The following PPP1R9A variants were observed in gnomAD, a reference collection of about 807,000 sequenced individuals.
The protein encoded by PPP1R9A is protein phosphatase 1 regulatory subunit 9A.
A neutral mutation model predicts 141.9 loss-of-function variants in PPP1R9A; 59 were observed. The observed-to-expected ratio is 0.42, with a 90% CI of 0.34 to 0.52. PPP1R9A has a LOEUF of 0.52. PPP1R9A is among the 20% of genes least tolerant of loss of function. PPP1R9A has a pLI of 0.10. For missense variants in PPP1R9A, 1,444 were observed against 1,611.9 expected (o/e 0.90, Z 1.78); for synonymous variants, 500 against 569.7 (o/e 0.88, Z 1.74).
chr7:95,119,753 C>G (rs761679095), intron 3 of PPP1R9A, among the ~76,000 whole-genome samples: 2 of 151,890 alleles, frequency 1.3e-5, no homozygotes, highest in Non-Finnish European at 2.9e-5. Flanking sequence ...TGTGCCCAGG[C>G]GCTTCATTGG....
At chr7:94,961,942 A>G (rs563119081) in intron 2 of PPP1R9A, among the ~76,000 whole-genome samples, 1 of 152,018 alleles carries the variant, frequency 6.6e-6, no homozygotes, top group African/African-American at 2.4e-5. Flanking sequence ...TATGTGCCTA[A>G]AAGTATTCTA....
chr7:94,977,337 A>G (rs1482096904), intron 2 of PPP1R9A, among the ~76,000 whole-genome samples: 1 of 152,214 alleles, frequency 6.6e-6, no homozygotes, highest in East Asian at 1.9e-4. Context: ...TCAGCAAAGT[A>G]GACCAAGAAG....
chr7:95,179,090 A>G (rs1833331469), intron 5 of PPP1R9A, among the ~76,000 whole-genome samples: 1 of 152,158 alleles, frequency 6.6e-6, no homozygotes, highest in Non-Finnish European at 1.5e-5. Context: ...CTGAAGACCA[A>G]TATCTCTAAT....
At chr7:95,151,869 T>G (rs1412665925) in intron 4 of PPP1R9A, among the ~76,000 whole-genome samples, 1 of 151,670 alleles carries the variant, frequency 6.6e-6, no homozygotes, top group Non-Finnish European at 1.5e-5. Context: ...GAAGCTTTGC[T>G]TATTTATAAG....
chr7:95,096,558 C>CTTTTTA (rs1158493119), intron 2 of PPP1R9A, among the ~76,000 whole-genome samples: 1 of 152,142 alleles, frequency 6.6e-6, no homozygotes, highest in Non-Finnish European at 1.5e-5. Context: ...TCCTCTCTTT[C>CTTTTTA]TTTTTAGTGC....
In PPP1R9A at chr7:94,950,326, G is replaced by A. The variant is rs557545726; in HGVS notation, c.1395+38818G>A. Among the ~76,000 whole-genome samples, 26 of 151,858 alleles carry A rather than the reference G, an allele frequency of 1.7e-4. 1 individual carries two copies. In the East Asian group the frequency reaches 3.7e-3, roughly 22 times the overall value. ...CATGTAAGCAGGATTCTGCTTCTGGGGTCTCTTTTCTGTCATGATGCTTTA... is the reference window on the plus strand; with the variant it reads ...CATGTAAGCAGGATTCTGCTTCTGGAGTCTCTTTTCTGTCATGATGCTTTA... On this transcript the variant is annotated intron_variant, in intron 2 of 19. Coordinates refer to ENST00000433360, the MANE Select transcript of PPP1R9A (RefSeq NM_001166160.2).
At chr7:95,048,487 G>T (rs552513100) in intron 2 of PPP1R9A, among the ~76,000 whole-genome samples, 1 of 152,096 alleles carries the variant, frequency 6.6e-6, no homozygotes, top group East Asian at 1.9e-4. Context: ...AGAAATTAAC[G>T]TATATACTGG....
intron 2 of PPP1R9A, among the ~76,000 whole-genome samples, chr7:94,993,363 A>C (rs1487702285): frequency 6.6e-6 from 1 of 152,070 alleles, no homozygotes; most frequent in African/African-American, 2.4e-5. Flanking sequence ...GTTCTTTTCC[A>C]GTTGTTTGGC....
intron 7 of PPP1R9A, among the ~76,000 whole-genome samples, chr7:95,221,184 T>C (rs989839270): frequency 1.3e-5 from 2 of 152,108 alleles, no homozygotes; most frequent in African/African-American, 4.8e-5. Flanking sequence ...CGGTCACTCG[T>C]TTTGAGCACC....
At chr7:95,098,449 C>A (rs1019850858) in intron 2 of PPP1R9A, 2 of 151,686 alleles carry the variant, frequency 1.3e-5, no homozygotes. Flanking sequence ...GGTCATCATC[C>A]TTTTTTATGT....
rs115008163 is a variant in PPP1R9A at position 94,949,572 on chromosome 7, A to G, written c.1395+38064A>G. Reference sequence around the variant, plus strand: ...GCTACTCTGACTTACTTTAGAGACTATGAAGCCTCTATTGGGCTAGTTAGC... The same window carrying G: ...GCTACTCTGACTTACTTTAGAGACTGTGAAGCCTCTATTGGGCTAGTTAGC... On this transcript the variant is annotated intron_variant, in intron 2 of 19. Transcript: ENST00000433360. 4.2e-3 allele frequency among the ~76,000 whole-genome samples: 647 copies of G among 152,240 alleles called. 4 individuals are homozygous for G. The highest frequency in any genetic ancestry group is 0.015 in the African/African-American group (627 of 41,562).
At chr7:95,125,529 A>G (rs952672344) in intron 4 of PPP1R9A, among the ~76,000 whole-genome samples, 12 of 152,236 alleles carry the variant, frequency 7.9e-5, no homozygotes, top group Non-Finnish European at 1.6e-4. Context: ...GTCCTCATTC[A>G]TGATTCCATA....
In PPP1R9A at chr7:95,269,278, T is replaced by G. The variant is rs1412766985; in HGVS notation, c.2895T>G (p.Ser965=). The G allele has an allele frequency of 6.3e-7, 1 of 1,584,424 alleles. No homozygotes were observed. Among genetic ancestry groups the G allele is most frequent in the Non-Finnish European group, 8.6e-7 (1 of 1,166,350 alleles). The change falls in exon 14 of 20, where the codon TCT becomes TCG. Residue 965 remains serine (S), a synonymous_variant. Transcript: ENST00000433360. ...CACCTAAGGGTTTGAGAACGTCTTC[T>G]CCAGAATCAGATTCTGGTGTTCCAC... The part of the protein sequence containing the change: ...LLPPKGLRTS[S]PESDSGVPPL...
intron 7 of PPP1R9A, among the ~76,000 whole-genome samples, chr7:95,207,006 A>T (rs905016763): frequency 1.3e-5 from 2 of 151,938 alleles, no homozygotes; most frequent in Non-Finnish European, 2.9e-5. Flanking sequence ...AGCCAAAAAA[A>T]TTTTTTCTAA....
intron 4 of PPP1R9A, among the ~76,000 whole-genome samples, chr7:95,160,701 A>G (rs1448100722): frequency 1.3e-5 from 2 of 151,872 alleles, no homozygotes; most frequent in African/African-American, 4.8e-5. Flanking sequence ...AGTAGTCCCC[A>G]GTTTCTATTG....
chr7:95,240,346 T>C (rs1797270580), intron 8 of PPP1R9A, among the ~76,000 whole-genome samples: 1 of 152,116 alleles, frequency 6.6e-6, no homozygotes, highest in African/African-American at 2.4e-5. Context: ...TTAATTTGCT[T>C]TCATTGCTCT....
At chr7:95,170,276 G>A (rs1485780508) in intron 5 of PPP1R9A, among the ~76,000 whole-genome samples, 3 of 151,574 alleles carry the variant, frequency 2.0e-5, no homozygotes, top group Non-Finnish European at 4.4e-5. Context: ...TGGAATCTCA[G>A]AAGGTTAGAA....
In PPP1R9A at chr7:95,023,943, G is replaced by C. The variant is rs568966608; in HGVS notation, c.1396-87316G>C. 5.3e-5 allele frequency among the ~76,000 whole-genome samples: 8 copies of C among 152,250 alleles called. No individual in the cohort carries two copies. The South Asian group carries it at 1.2e-3, about 24-fold the overall frequency. On this transcript the variant is annotated intron_variant, in intron 2 of 19. Transcript: ENST00000433360. ...GCATTTAGTGCTATAAGTTTCTCTC[G>C]AAACACTGCTTTAGCCGTGTCCCAG...
intron 2 of PPP1R9A, among the ~76,000 whole-genome samples, chr7:95,002,657 G>C (rs1803100342): frequency 1.3e-5 from 2 of 152,132 alleles, no homozygotes; most frequent in Non-Finnish European, 2.9e-5. Context: ...GGAAAGAAAA[G>C]TGAAAGAGGA....
Sources: allele counts gnomAD v4.1 joint callset (sites outside exome capture counted in the v4.1 genomes callset), GRCh38; gene constraint gnomAD v4.1.1; transcripts MANE v1.5; gene names NCBI Gene and HGNC (gene_info 2026-07-23, HGNC 2026-07-21).